Variants in TCF20 observed in about 807,000 individuals in gnomAD.
TCF20 encodes transcription factor 20.
In TCF20, 3 loss-of-function variants were observed where a neutral mutation model predicts 148.6. The ratio of observed to expected loss-of-function variants is 0.02; its 90% confidence interval spans 0.01 to 0.05. The LOEUF is 0.05. Among genes scored for constraint, TCF20 ranks in the 10% least tolerant of loss-of-function variants. TCF20 has a pLI of 1.00. For synonymous variants in TCF20, 1,049 were observed against 909.5 expected (o/e 1.15, Z -2.76); for missense variants, 2,350 against 2,429.3 (o/e 0.97, Z 0.69).
chr22:42,254,022 G>A (rs1175381011), intron 1 of TCF20, among the ~76,000 whole-genome samples: 3 of 147,678 alleles, frequency 2.0e-5, no homozygotes, highest in African/African-American at 7.6e-5. Context: ...GTTGCGGTGA[G>A]CTGAGATCGT....
At chr22:42,220,731 C>T (rs1922280970) in intron 1 of TCF20, among the ~76,000 whole-genome samples, 1 of 152,166 alleles carries the variant, frequency 6.6e-6, no homozygotes, top group South Asian at 2.1e-4. Flanking sequence ...TGGTAAGAGG[C>T]AGGAGAGGAG....
chr22:42,265,483 T>A (rs532297670), intron 1 of TCF20, among the ~76,000 whole-genome samples: 50 of 152,354 alleles, frequency 3.3e-4, no homozygotes, highest in African/African-American at 1.2e-3. Context: ...TTTTTTATTT[T>A]GCAGAGACCA....
intron 1 of TCF20, among the ~76,000 whole-genome samples, chr22:42,232,296 GGT>G (rs755475642): frequency 2.6e-5 from 4 of 152,096 alleles, no homozygotes; most frequent in African/African-American, 7.2e-5. Flanking sequence ...ACCCAGGCTA[GGT>G]GTGTGTAAGT....
upstream of TCF20, chr22:42,274,060 T>C (rs1392616882): frequency 6.6e-6 from 1 of 152,626 alleles, no homozygotes; most frequent in East Asian, 1.9e-4. Context: ...AGCCCTCACC[T>C]TTATCCTTCA....
chr22:42,213,881 AAGT>A lies in TCF20; in HGVS notation c.1422_1424del (p.Leu474_Leu475delinsPhe). The A allele has an allele frequency of 6.2e-7, 1 of 1,614,174 alleles. No individual in the cohort carries two copies. Among genetic ancestry groups the A allele is most frequent in the Non-Finnish European group, 8.5e-7 (1 of 1,180,036 alleles). On this transcript the variant is annotated inframe_deletion, in exon 2 of 6. Coordinates refer to ENST00000677622, the MANE Select transcript of TCF20 (RefSeq NM_001378418.1). The stretch of plus-strand genomic sequence containing the variant: ...TCTTCTGAGGAGTCAGGGCATCAGA[AAGT>A]AACATGTGCTGGACAGTGTTAGGAA...
At chr22:42,178,650 G>A (rs1373631590) in intron 3 of TCF20, among the ~76,000 whole-genome samples, 1 of 144,740 alleles carries the variant, frequency 6.9e-6, no homozygotes, top group Non-Finnish European at 1.5e-5. Context: ...GAGTGCAGTG[G>A]CGTGATCTCG....
chr22:42,162,508 T>C (rs1935528274), intron 5 of TCF20, among the ~76,000 whole-genome samples: 1 of 152,060 alleles, frequency 6.6e-6, no homozygotes, highest in African/African-American at 2.4e-5. Flanking sequence ...GTACCAAAGG[T>C]CCCTGTGGAA....
intron 3 of TCF20, among the ~76,000 whole-genome samples, chr22:42,177,381 C>G (rs533669522): frequency 6.6e-6 from 1 of 152,310 alleles, no homozygotes; most frequent in South Asian, 2.1e-4. Context: ...TGCCATTGTA[C>G]TTTAGCCTGG....
chr22:42,276,888 G>C (rs1926792133), intron 1 of TCF20: 1 of 152,180 alleles, frequency 6.6e-6, no homozygotes, highest in Non-Finnish European at 1.5e-5. Context: ...TCCTCGACTG[G>C]AGCCACTTTT....
intron 1 of TCF20, among the ~76,000 whole-genome samples, chr22:42,255,463 T>A (rs1925681067): frequency 6.6e-6 from 1 of 151,502 alleles, no homozygotes; most frequent in African/African-American, 2.4e-5. Flanking sequence ...CACTCCAACC[T>A]GGCAACAGAG....
rs1938276334 is a variant in TCF20 at position 42,204,765 on chromosome 22, A to AACCC, written c.5655+4882_5655+4885dup. 5.3e-5 allele frequency among the ~76,000 whole-genome samples: 8 copies of AACCC among 152,268 alleles called. No individual in the cohort carries two copies. In the South Asian group the frequency reaches 1.7e-3, roughly 32 times the overall value. On this transcript the variant is annotated intron_variant, in intron 2 of 5. Coordinates refer to ENST00000677622, the MANE Select transcript of TCF20 (RefSeq NM_001378418.1). Reference sequence around the variant, plus strand: ...GAGGCTGAGGCAGGAGAGTCACTTGAACCCACGAGGAGGTGGTTGCAGTGA... The same window carrying AACCC: ...GAGGCTGAGGCAGGAGAGTCACTTGAACCCACCCACGAGGAGGTGGTTGCAGTGA...
chr22:42,322,891 TG>T (rs1468942079), intron 1 of TCF20, among the ~76,000 whole-genome samples: 1 of 121,504 alleles, frequency 8.2e-6, no homozygotes, highest in Non-Finnish European at 1.9e-5. Context: ...TTTCATTTTC[TG>T]GTTTTTTTTT....
rs996622982 is a variant in TCF20, at chr22:42,264,966, C to T, written c.-37+5373G>A. ...TGTTCCAATGAATTTCTACTCTTTC[C>T]TATAGAACAGCTTACATATGCATAC... is the stretch of plus-strand genomic sequence containing the variant. On this transcript the variant is annotated intron_variant, in intron 1 of 5. Coordinates refer to ENST00000677622, the MANE Select transcript of TCF20 (RefSeq NM_001378418.1). 3.9e-5 allele frequency among the ~76,000 whole-genome samples: 6 copies of T among 152,210 alleles called. No individual in the cohort carries two copies. The South Asian group carries it at 1.0e-3, about 26-fold the overall frequency.
At chr22:42,263,213 T>C (rs1256003641) in intron 1 of TCF20, among the ~76,000 whole-genome samples, 1 of 152,182 alleles carries the variant, frequency 6.6e-6, no homozygotes, top group East Asian at 1.9e-4. Flanking sequence ...TCTGCTGCCT[T>C]CCATCACGTG....
intron 1 of TCF20, among the ~76,000 whole-genome samples, chr22:42,245,697 A>T (rs1307644107): frequency 6.6e-6 from 1 of 152,212 alleles, no homozygotes; most frequent in Non-Finnish European, 1.5e-5. Flanking sequence ...TGCTAAGATC[A>T]CTAGCTCTTA....
chr22:42,278,273 C>A (rs1926824022), intron 1 of TCF20: 1 of 152,322 alleles, frequency 6.6e-6, no homozygotes, highest in South Asian at 2.1e-4. Flanking sequence ...TTTCATCTCA[C>A]ACGGGCAGCC....
intron 3 of TCF20, among the ~76,000 whole-genome samples, chr22:42,174,502 C>T (rs543476696): frequency 6.6e-6 from 1 of 152,288 alleles, no homozygotes; most frequent in Non-Finnish European, 1.5e-5. Flanking sequence ...CAGTGGGGGA[C>T]CACTTCTTAC....
intron 2 of TCF20, among the ~76,000 whole-genome samples, chr22:42,192,206 G>C (rs1165134763): frequency 6.6e-6 from 1 of 152,084 alleles, no homozygotes; most frequent in Non-Finnish European, 1.5e-5. Context: ...TATTCACAAG[G>C]CACCCATACT....
chr22:42,303,975 G>A (rs780061191), intron 1 of TCF20, among the ~76,000 whole-genome samples: 1 of 152,024 alleles, frequency 6.6e-6, no homozygotes, highest in Non-Finnish European at 1.5e-5. Context: ...TCTCTCCCAG[G>A]TGCCTGGCAG....
Sources: allele counts gnomAD v4.1 joint callset (sites outside exome capture counted in the v4.1 genomes callset), GRCh38; gene constraint gnomAD v4.1.1; transcripts MANE v1.5; gene names NCBI Gene and HGNC (gene_info 2026-07-23, HGNC 2026-07-21).